The following NTAQ1 variants were observed in gnomAD, a reference collection of about 807,000 sequenced individuals.
NTAQ1 encodes the protein protein N-terminal glutamine amidohydrolase.
A neutral mutation model predicts 28.2 loss-of-function variants in NTAQ1; 21 were observed. The ratio of observed to expected loss-of-function variants is 0.74; its 90% CI spans 0.53 to 1.07. NTAQ1 has a LOEUF of 1.07. Ranked by LOEUF, NTAQ1 falls within the 50% of genes least tolerant of loss-of-function variation. The pLI, the probability that NTAQ1 is intolerant of heterozygous loss-of-function variation, is 0.00. For synonymous variants in NTAQ1, 105 were observed against 90.0 expected (o/e 1.17, Z -0.94); for missense variants, 264 against 256.6 (o/e 1.03, Z -0.20).
intron 1 of NTAQ1, among the ~76,000 whole-genome samples, chr8:123,426,925 A>G (rs192222456): frequency 1.6e-4 from 24 of 152,292 alleles, no homozygotes; most frequent in Admixed American, 7.8e-4. Context: ...ACACCACTGC[A>G]CTCCATCCTG....
chr8:123,432,075 G>A (rs563952906), intron 3 of NTAQ1, among the ~76,000 whole-genome samples: 1 of 152,290 alleles, frequency 6.6e-6, no homozygotes, highest in South Asian at 2.1e-4. Context: ...GTTTTGCTTT[G>A]CCTCGCTGCT....
intron 6 of NTAQ1, among the ~76,000 whole-genome samples, chr8:123,464,531 C>T (rs1002754393): frequency 1.3e-5 from 2 of 152,210 alleles, no homozygotes; most frequent in African/African-American, 4.8e-5. Context: ...TGCCTCCACT[C>T]TCCCTCCCCA....
At chr8:123,424,975 A>C (rs186748803) in intron 1 of NTAQ1, among the ~76,000 whole-genome samples, 1 of 152,314 alleles carries the variant, frequency 6.6e-6, no homozygotes, top group East Asian at 1.9e-4. Flanking sequence ...ACTCCCGAAA[A>C]ACTTGTATAA....
chr8:123,438,330 G>A, intron 5 of NTAQ1: 1 of 598,410 alleles, frequency 1.7e-6, no homozygotes. Flanking sequence ...GAGCTCTGCA[G>A]CATGTCAGAA....
intron 1 of NTAQ1, among the ~76,000 whole-genome samples, chr8:123,424,579 G>A (rs1373891476): frequency 6.7e-6 from 1 of 149,888 alleles, no homozygotes; most frequent in Non-Finnish European, 1.5e-5. Context: ...TCGTCATGTT[G>A]GCCAGGCTGG....
At chr8:123,442,305 T>C (rs1481196746), downstream of NTAQ1, 1 of 152,030 alleles carries the variant, frequency 6.6e-6, no homozygotes, top group East Asian at 1.9e-4. Flanking sequence ...TTTCTACTTA[T>C]TAAGAAACTA....
At chr8:123,466,588 G>C (rs571364474) in intron 6 of NTAQ1, among the ~76,000 whole-genome samples, 1 of 152,182 alleles carries the variant, frequency 6.6e-6, no homozygotes, top group African/African-American at 2.4e-5. Flanking sequence ...GACACAGCAG[G>C]CAGGAGCCTG....
At chr8:123,426,294 C>T (rs980080182) in intron 1 of NTAQ1, among the ~76,000 whole-genome samples, 11 of 152,120 alleles carry the variant, frequency 7.2e-5, no homozygotes, top group Admixed American at 3.9e-4. Flanking sequence ...AGACCTGTCA[C>T]GTAGAAGAGA....
At chr8:123,442,558 G>A (rs191095554), downstream of NTAQ1, among the ~76,000 whole-genome samples, 31 of 146,824 alleles carry the variant, frequency 2.1e-4, no homozygotes, top group East Asian at 6.1e-3. Context: ...TCATGCTGCT[G>A]CACTCCAGCC....
At chr8:123,425,471 CTTTTT>C (rs74275579) in intron 1 of NTAQ1, among the ~76,000 whole-genome samples, 1 of 143,276 alleles carries the variant, frequency 7.0e-6, no homozygotes, top group East Asian at 2.0e-4. Flanking sequence ...CACCCCCCCA[CTTTTT>C]TTTTTTTTTA....
At chr8:123,421,392 T>C (rs1274020584) in intron 1 of NTAQ1, among the ~76,000 whole-genome samples, 2 of 152,242 alleles carry the variant, frequency 1.3e-5, no homozygotes, top group Non-Finnish European at 2.9e-5. Flanking sequence ...ACTTTAAGAA[T>C]AGTCATTCTG....
At chr8:123,430,409 A>C (rs1279876656) in intron 3 of NTAQ1, among the ~76,000 whole-genome samples, 2 of 152,202 alleles carry the variant, frequency 1.3e-5, no homozygotes, top group Non-Finnish European at 2.9e-5. Context: ...TGGGAGGCCA[A>C]GGTGGACGGA....
At chr8:123,423,902 G>A (rs1218705449) in intron 1 of NTAQ1, among the ~76,000 whole-genome samples, 2 of 151,334 alleles carry the variant, frequency 1.3e-5, no homozygotes, top group Non-Finnish European at 2.9e-5. Flanking sequence ...TTAATTTTTA[G>A]ATGGAGTCTT....
At chr8:123,424,747 A>G (rs1236758893) in intron 1 of NTAQ1, among the ~76,000 whole-genome samples, 1 of 152,056 alleles carries the variant, frequency 6.6e-6, no homozygotes, top group African/African-American at 2.4e-5. Flanking sequence ...GGGAATGAAC[A>G]AAGAGAAACT....
chr8:123,431,294 G>A (rs902089576), intron 3 of NTAQ1, among the ~76,000 whole-genome samples: 3 of 147,208 alleles, frequency 2.0e-5, no homozygotes, highest in African/African-American at 5.1e-5. Flanking sequence ...CTGAGGTGAC[G>A]CCATTGCATT....
chr8:123,443,123 G>A (rs186768658), downstream of NTAQ1, among the ~76,000 whole-genome samples: 979 of 151,840 alleles, frequency 6.4e-3, 16 homozygotes, highest in African/African-American at 0.023. Context: ...AGGTTCAAAC[G>A]ATTCTCATGC....
intron 5 of NTAQ1, among the ~76,000 whole-genome samples, chr8:123,438,848 A>T (rs1327809166): frequency 2.0e-5 from 3 of 152,138 alleles, no homozygotes; most frequent in Non-Finnish European, 4.4e-5. Context: ...CAGTACACAG[A>T]GCTGCTTCCT....
chr8:123,416,886 C>A lies in NTAQ1; in HGVS notation c.37C>A (p.Pro13Thr). The change falls in exon 1 of 6, where the codon CCG becomes ACG. Residue 13 changes from proline (P) to threonine (T), a missense_variant. Pro to Thr is a conservative substitution (Grantham distance 38). Transcript: ENST00000287387. ...TGGCCCCGCTGCTGTCCACTACCAGCCGGCCAGCCCCCCGCGGGACGCCTG... is the reference window on the plus strand; with the variant it reads ...TGGCCCCGCTGCTGTCCACTACCAGACGGCCAGCCCCCCGCGGGACGCCTG... ...GNGPAAVHYQ[P>T]ASPPRDACVY... 1 of 1,527,938 alleles carries A rather than the reference C, an allele frequency of 6.5e-7. No homozygotes were observed. Among genetic ancestry groups the A allele is most frequent in the Non-Finnish European group, 8.8e-7 (1 of 1,138,304 alleles). 94.6% of individuals were successfully genotyped at this position (1,527,938 alleles called of 1,614,324 possible). A position where few individuals can be genotyped will look rare whatever the true frequency, so the allele number is the denominator to read the frequency against.
intron 3 of NTAQ1, 170 bp downstream of exon 3, chr8:123,430,203 G>T: frequency 2.2e-6 from 1 of 449,844 alleles, no homozygotes. Context: ...TAGAAACACT[G>T]TAGGCATATT....
Sources: gnomAD v4.1 joint callset for allele counts (sites outside exome capture counted in the v4.1 genomes callset) on GRCh38, gnomAD v4.1.1 for gene constraint, MANE v1.5 for transcripts, NCBI Gene and HGNC (gene_info 2026-07-23, HGNC 2026-07-21) for gene names.